The following TEX36 variants were observed in gnomAD, a reference collection of about 807,000 sequenced individuals.
TEX36 encodes testis-expressed protein 36.
In TEX36, 12 loss-of-function variants were observed where a neutral mutation model predicts 13.6. The ratio of observed to expected loss-of-function variants is 0.88; its 90% CI spans 0.56 to 1.43. The LOEUF (loss-of-function observed/expected upper bound fraction) is 1.43. TEX36 is among the 40% of genes most tolerant of loss of function. The pLI, the probability that TEX36 is intolerant of heterozygous loss-of-function variation, is 0.00. For missense variants in TEX36, 224 were observed against 228.3 expected (o/e 0.98, Z 0.12); for synonymous variants, 93 against 83.0 (o/e 1.12, Z -0.65).
chr10:125,578,548 A>G (rs935565427), intron 3 of TEX36: 1 of 152,208 alleles, frequency 6.6e-6, no homozygotes, highest in Non-Finnish European at 1.5e-5. Flanking sequence ...TCATTTGGCT[A>G]TGGGCTTACC....
chr10:125,634,725 GC>G (rs964355542), intron 3 of TEX36, among the ~76,000 whole-genome samples: 3 of 152,306 alleles, frequency 2.0e-5, no homozygotes, highest in African/African-American at 7.2e-5. Flanking sequence ...GTTAAAAAAT[GC>G]CCAGATCTGC....
chr10:125,653,230 A>G (rs1236864097), downstream of TEX36, among the ~76,000 whole-genome samples: 1 of 152,170 alleles, frequency 6.6e-6, no homozygotes, highest in Non-Finnish European at 1.5e-5. Flanking sequence ...AAGACTTGGA[A>G]CCAACCCAAA....
At chr10:125,593,647 C>G (rs780590164) in intron 3 of TEX36, among the ~76,000 whole-genome samples, 2 of 152,168 alleles carry the variant, frequency 1.3e-5, no homozygotes, top group Non-Finnish European at 2.9e-5. Flanking sequence ...AAACAAAATA[C>G]AATTTTAAAA....
intron 3 of TEX36, among the ~76,000 whole-genome samples, chr10:125,594,945 A>C (rs1589745926): frequency 1.3e-5 from 2 of 152,224 alleles, no homozygotes; most frequent in Admixed American, 1.3e-4. Flanking sequence ...AGATTGATTG[A>C]AGAAGCTCTA....
At chr10:125,661,167 C>T (rs1417159549) in intron 2 of TEX36, 66 bp from the exon 3 acceptor site, 12 of 1,329,912 alleles carry the variant, frequency 9.0e-6, no homozygotes, top group African/African-American at 1.5e-5. Flanking sequence ...GAACTGGGAT[C>T]GGGTGATGTG....
chr10:125,663,241 G>T (rs1423024492), intron 1 of TEX36, among the ~76,000 whole-genome samples: 2 of 152,214 alleles, frequency 1.3e-5, no homozygotes, highest in Non-Finnish European at 2.9e-5. Context: ...CTCCAATAGT[G>T]TGAATAGTTT....
chr10:125,657,416 G>A (rs1846966598), intron 3 of TEX36, among the ~76,000 whole-genome samples: 1 of 152,128 alleles, frequency 6.6e-6, no homozygotes, highest in African/African-American at 2.4e-5. Context: ...GAGTGGGACT[G>A]GAGGGACAAG....
chr10:125,682,855 G>C (rs1847417754), intron 1 of TEX36, 84 bp downstream of exon 1: 1 of 1,410,540 alleles, frequency 7.1e-7, no homozygotes, highest in Non-Finnish European at 9.8e-7. Context: ...TTCAGTAATA[G>C]TAGAAGCAGG....
chr10:125,667,737 G>A lies in TEX36; in HGVS notation c.52-5760C>T. On this transcript the variant is annotated intron_variant, in intron 1 of 3. Transcript: ENST00000368821. ...AAGAGGATGACGTCCCCGATGCAGG[G>A]GTTCACGCAGTCGTCAGCTGTCAGC... 9 of 795,024 alleles carry A rather than the reference G, an allele frequency of 1.1e-5. No homozygotes were observed. In the South Asian group the frequency reaches 1.4e-4, roughly 12 times the overall value. The allele number at this position is 795,024 out of a possible 1,614,324, so 49.2% of individuals were successfully genotyped here.
At chr10:125,613,412 T>C (rs1170074850) in intron 3 of TEX36, among the ~76,000 whole-genome samples, 2 of 137,244 alleles carry the variant, frequency 1.5e-5, no homozygotes, top group East Asian at 2.2e-4. Context: ...GTATATCTCC[T>C]AATGCTATCC....
intron 3 of TEX36, among the ~76,000 whole-genome samples, chr10:125,629,596 A>G (rs1009533945): frequency 1.3e-5 from 2 of 152,092 alleles, no homozygotes; most frequent in African/African-American, 2.4e-5. Context: ...GACATTTAAA[A>G]ATAGCAGCTC....
chr10:125,656,082 T>G lies in TEX36; in HGVS notation c.379A>C (p.Ile127Leu). ...ATGGCTTCTTTATATACGTATGATA[T>G]TTGGTTATTTGAAAAGCCATCAAGA... ...SCLDGFSNNQISYVYKEAMVV... is the reference protein window; with the variant it reads ...SCLDGFSNNQLSYVYKEAMVV... Residue 127 changes from isoleucine (I) to leucine (L), a missense_variant, in exon 4 of 4, where the codon ATA becomes CTA. Transcript: ENST00000368821. The G allele has an allele frequency of 1.9e-6, 3 of 1,551,660 alleles. No homozygotes were observed. The highest frequency in any genetic ancestry group is 2.6e-6 in the Non-Finnish European group (3 of 1,147,024).
chr10:125,632,423 G>C lies in TEX36; in HGVS notation c.265-10778C>G, dbSNP rs571670235. On this transcript the variant is annotated intron_variant, in intron 3 of 3. Coordinates refer to the TEX36 transcript ENST00000526819. ...TCTCCTTCTTTGTCCCGCATCTCCT[G>C]TGCCTAGTACAGGGCCTGGCACCTT... 2.0e-5 allele frequency among the ~76,000 whole-genome samples: 3 copies of C among 152,244 alleles called. No homozygotes were observed. In the South Asian group the frequency reaches 6.2e-4, roughly 31 times the overall value.
chr10:125,620,880 T>C (rs1424643280), downstream of TEX36, among the ~76,000 whole-genome samples: 1 of 152,206 alleles, frequency 6.6e-6, no homozygotes, highest in Non-Finnish European at 1.5e-5. Context: ...TCATATAGCA[T>C]GTGTGTTTTT....
At chr10:125,637,167 G>A (rs1237318414) in intron 3 of TEX36, among the ~76,000 whole-genome samples, 1 of 151,974 alleles carries the variant, frequency 6.6e-6, no homozygotes, top group African/African-American at 2.4e-5. Flanking sequence ...AAATTAGTCT[G>A]GCGTGGTGGT....
chr10:125,599,836 A>G (rs917297691), intron 3 of TEX36, among the ~76,000 whole-genome samples: 11 of 152,184 alleles, frequency 7.2e-5, no homozygotes, highest in African/African-American at 2.4e-4. Context: ...ACCCATCCGT[A>G]AATGTGAGGC....
chr10:125,681,831 C>T (rs1847399276), intron 1 of TEX36, among the ~76,000 whole-genome samples: 2 of 152,132 alleles, frequency 1.3e-5, no homozygotes, highest in Admixed American at 6.6e-5. Flanking sequence ...CGTGAATCCC[C>T]CACCATGGTC....
chr10:125,592,294 G>C (rs187774148), intron 3 of TEX36, among the ~76,000 whole-genome samples: 44 of 152,082 alleles, frequency 2.9e-4, no homozygotes, highest in Non-Finnish European at 4.6e-4. Flanking sequence ...CCAGACGTGC[G>C]TTAGGCCACC....
chr10:125,636,598 G>A (rs1335158569), intron 3 of TEX36, among the ~76,000 whole-genome samples: 1 of 152,134 alleles, frequency 6.6e-6, no homozygotes, highest in Admixed American at 6.5e-5. Context: ...AGTTCCAAAT[G>A]AGTTCACAAA....
Sources: gnomAD v4.1 joint callset for allele counts (sites outside exome capture counted in the v4.1 genomes callset) on GRCh38, gnomAD v4.1.1 for gene constraint, MANE v1.5 for transcripts, NCBI Gene and HGNC (gene_info 2026-07-23, HGNC 2026-07-21) for gene names.